LRP8: variants seen among roughly 807,000 people sequenced by gnomAD.
LRP8 encodes the protein low-density lipoprotein receptor-related protein 8.
Under a neutral mutation model 111.6 loss-of-function variants are expected in LRP8, and 46 were observed. That is an observed-to-expected ratio of 0.41 (90% CI 0.33 to 0.53). The LOEUF is 0.53. LRP8 is among the 20% of genes least tolerant of loss of function. The pLI, the probability that LRP8 is intolerant of heterozygous loss-of-function variation, is 0.20. For missense variants in LRP8, 959 were observed against 1,297.4 expected (o/e 0.74, Z 4.01); for synonymous variants, 464 against 511.2 (o/e 0.91, Z 1.24).
Position 53,266,592 on chromosome 1 carries a change from G to A in LRP8, c.1308C>T (p.Asp436=), listed in dbSNP as rs1040833099. 1.2e-6 allele frequency: 2 copies of A among 1,614,152 alleles called. No individual in the cohort carries two copies. Among genetic ancestry groups the A allele is most frequent in the Non-Finnish European group, 1.7e-6 (2 of 1,180,044 alleles). ...FTNRHEVRRI[D]LVKRNYSRLI... is the part of the protein sequence containing the mutation. ...GGCGTGAATAGTTCCGCTTCACCAG[G>A]TCGATCCTCCGCACCTCGTGCCGGT... Residue 436 remains aspartate, a synonymous_variant, in exon 9 of 19, where the codon GAC becomes GAT. Transcript: ENST00000306052. This position sits in a 1 kb window ranked among gnomAD's most constrained non-coding sequence, Gnocchi z 5.0.
At chr1:53,310,937 G>A (rs993638453) in intron 2 of LRP8, among the ~76,000 whole-genome samples, 6 of 152,158 alleles carry the variant, frequency 3.9e-5, no homozygotes, top group Non-Finnish European at 4.4e-5. Flanking sequence ...TGACAAAGGT[G>A]CCAAATCGAC....
At chr1:53,257,585 C>G (rs904254395) in intron 14 of LRP8, 121 bp from the exon 15 acceptor site, 1 of 719,712 alleles carries the variant, frequency 1.4e-6, no homozygotes, top group Non-Finnish European at 2.4e-6. Flanking sequence ...TTCTGTGAAG[C>G]CTTTCCTAAT....
chr1:53,292,206 T>G (rs1648913567), intron 2 of LRP8: 1 of 152,250 alleles, frequency 6.6e-6, no homozygotes. Context: ...TGTCTGTCCT[T>G]CTCAGTGGAA....
In LRP8 at chr1:53,317,090, C is replaced by G. The variant is rs1003626563; in HGVS notation, c.244+9783G>C. On this transcript the variant is annotated intron_variant, in intron 2 of 18. Coordinates refer to ENST00000306052, the MANE Select transcript of LRP8 (RefSeq NM_004631.5). This position sits in a 1 kb window ranked among gnomAD's most constrained non-coding sequence, Gnocchi z 4.9. The stretch of plus-strand genomic sequence containing the variant: ...ACACCCCAAGCACACGCACATGTGC[C>G]CATGCCCATGGCCGAGAAAGGGCTC... Among the ~76,000 whole-genome samples, 2 of 152,116 alleles carry G rather than the reference C, an allele frequency of 1.3e-5. No homozygotes were observed. The highest frequency in any genetic ancestry group is 2.9e-5 in the Non-Finnish European group (2 of 68,004).
chr1:53,264,461 T>G, intron 9 of LRP8, 65 bp from the exon 10 acceptor site: 4 of 1,289,468 alleles, frequency 3.1e-6, no homozygotes, highest in Non-Finnish European at 3.3e-6. Context: ...TGGAGCTACC[T>G]GTGCACCCTT....
At chr1:53,283,601 T>G (rs112591620) in intron 3 of LRP8, among the ~76,000 whole-genome samples, 280 of 34,318 alleles carry the variant, frequency 8.2e-3, no homozygotes, top group Middle Eastern at 0.031. Context: ...CCCGGGCCAC[T>G]TACTTACTAC....
intron 2 of LRP8, among the ~76,000 whole-genome samples, chr1:53,325,319 G>A (rs1022199350): frequency 6.6e-6 from 1 of 152,122 alleles, no homozygotes; most frequent in Non-Finnish European, 1.5e-5. Flanking sequence ...AGTTTTTGTT[G>A]GTTTGTTTGT....
At chr1:53,291,012 T>TA (rs1159578069) in intron 2 of LRP8, among the ~76,000 whole-genome samples, 16 of 152,214 alleles carry the variant, frequency 1.1e-4, no homozygotes, top group African/African-American at 3.9e-4. Flanking sequence ...CAGGACCCGC[T>TA]ACAGAACAAG....
intron 16 of LRP8, among the ~76,000 whole-genome samples, chr1:53,253,283 G>A (rs1450317602): frequency 6.6e-6 from 1 of 152,160 alleles, no homozygotes; most frequent in Non-Finnish European, 1.5e-5. Context: ...TCATATTTAT[G>A]CATGGCAAAA....
intron 5 of LRP8, among the ~76,000 whole-genome samples, chr1:53,276,158 G>T (rs1646910201): frequency 6.6e-6 from 1 of 152,080 alleles, no homozygotes; most frequent in South Asian, 2.1e-4. Context: ...GGAGGTGGGG[G>T]TGGGAGCCCA....
At chr1:53,307,722 G>T (rs1652247670) in intron 2 of LRP8, among the ~76,000 whole-genome samples, 1 of 152,206 alleles carries the variant, frequency 6.6e-6, no homozygotes, top group Non-Finnish European at 1.5e-5. Context: ...CCTCTCCCAT[G>T]ACAGCCAGAT....
At chr1:53,248,467 C>T (rs12031155) in intron 18 of LRP8, among the ~76,000 whole-genome samples, 47,511 of 152,074 alleles carry the variant, frequency 0.31, 8,831 homozygotes, top group Non-Finnish European at 0.41. Flanking sequence ...ATTTACCTCA[C>T]GATATAAAGG....
At chr1:53,274,619 C>T in intron 6 of LRP8, 1 of 448,672 alleles carries the variant, frequency 2.2e-6, no homozygotes, top group South Asian at 1.6e-5. Context: ...GCAGGGGGCA[C>T]TGGAGGGCCT....
intron 18 of LRP8, among the ~76,000 whole-genome samples, chr1:53,248,256 GT>G (rs565249232): frequency 2.0e-5 from 3 of 152,160 alleles, no homozygotes; most frequent in Non-Finnish European, 2.9e-5. Context: ...GTTATCTGTA[GT>G]TTTTTTATGA....
chr1:53,254,264 G>T (rs115461504), intron 16 of LRP8, among the ~76,000 whole-genome samples: 292 of 152,064 alleles, frequency 1.9e-3, no homozygotes, highest in African/African-American at 6.9e-3. Flanking sequence ...TTAACAAAGT[G>T]TTATACTCTG....
chr1:53,327,743 G>A, intron 1 of LRP8, 46 bp downstream of exon 1: 3 of 1,418,996 alleles, frequency 2.1e-6, no homozygotes, highest in Non-Finnish European at 1.9e-6. Context: ...CGCTTTGTTG[G>A]TGGCTAGGGC....
chr1:53,327,453 C>A, intron 1 of LRP8: 1 of 261,552 alleles, frequency 3.8e-6, no homozygotes. Context: ...ATTACCGCCG[C>A]GGAGCGCGCG....
At chr1:53,255,292 A>G in intron 15 of LRP8, 107 bp from the exon 16 acceptor site, 3 of 905,392 alleles carry the variant, frequency 3.3e-6, no homozygotes, top group Non-Finnish European at 5.3e-6. Flanking sequence ...CCTCATTCTA[A>G]AATGATGATC....
rs1174368334 is a variant in LRP8 at position 53,246,959 on chromosome 1, A to C, written c.*59T>G. 4 of 1,470,232 alleles carry C rather than the reference A, an allele frequency of 2.7e-6. No homozygotes were observed. The highest frequency in any genetic ancestry group is 1.4e-5 in the African/African-American group (1 of 72,230). 91.1% of individuals were successfully genotyped at this position (1,470,232 alleles called of 1,614,324 possible). A position where few individuals can be genotyped will look rare whatever the true frequency, so the allele number is the denominator to read the frequency against. ...AAACCCATTCATCCAGTCATACACC[A>C]TCCAGAGTGTAGTGCATGGGACTGA... On this transcript the variant is annotated 3_prime_UTR_variant, in exon 19 of 19. Transcript: ENST00000306052.
Sources: gnomAD v4.1 joint callset for allele counts (sites outside exome capture counted in the v4.1 genomes callset) on GRCh38, gnomAD v4.1.1 for gene constraint, Gnocchi (gnomAD v3.1) non-coding constraint, MANE v1.5 for transcripts, NCBI Gene and HGNC (gene_info 2026-07-23, HGNC 2026-07-21) for gene names.